The following SLC22A24 variants were observed in gnomAD, a reference collection of about 807,000 sequenced individuals.
The protein encoded by SLC22A24 is steroid transmembrane transporter SLC22A24.
In SLC22A24, 53 loss-of-function variants were observed where a neutral mutation model predicts 49.8. That is an observed-to-expected ratio of 1.06 (90% confidence interval 0.85 to 1.34). SLC22A24 has a LOEUF of 1.34. Among genes scored for constraint, SLC22A24 ranks in the 40% most tolerant of loss-of-function variants. SLC22A24 has a pLI of 0.00. For missense variants in SLC22A24, 786 were observed against 675.9 expected (o/e 1.16, Z -1.81); for synonymous variants, 302 against 256.4 (o/e 1.18, Z -1.70).
chr11:63,083,841 G>C (rs1590726763), intron 6 of SLC22A24, among the ~76,000 whole-genome samples: 1 of 152,324 alleles, frequency 6.6e-6, no homozygotes, highest in Non-Finnish European at 1.5e-5. Context: ...GACATGGGTA[G>C]GGTTAGATGA....
chr11:63,087,501 G>T (rs945833033), intron 6 of SLC22A24, among the ~76,000 whole-genome samples: 5 of 152,140 alleles, frequency 3.3e-5, no homozygotes, highest in African/African-American at 7.2e-5. Context: ...TGGCTCTTTG[G>T]GCAAACACTG....
In SLC22A24 at chr11:63,097,892, G is replaced by A. The variant is rs1474448604; in HGVS notation, c.955-1786C>T. On this transcript the variant is annotated intron_variant, in intron 5 of 9. Transcript: ENST00000612278. ...AATGAGAACACATGGACACAGGGAG[G>A]GGAGCATCACACACCAGGGCCTGTT... Among the ~76,000 whole-genome samples, 4 of 152,142 alleles carry A rather than the reference G, an allele frequency of 2.6e-5. No individual in the cohort carries two copies. The East Asian group carries it at 7.7e-4, about 29-fold the overall frequency.
At chr11:63,127,916 G>A (rs1050469972) in intron 2 of SLC22A24, among the ~76,000 whole-genome samples, 1 of 151,756 alleles carries the variant, frequency 6.6e-6, no homozygotes, top group Admixed American at 6.6e-5. Context: ...TCTGTAGGTT[G>A]CCTGTTCACT....
rs2087181340 is a variant in SLC22A24 at position 63,113,071 on chromosome 11, TATATATACACATATATATAC to T, written c.830+5821_830+5840del. 8.4e-3 allele frequency among the ~76,000 whole-genome samples: 18 copies of T among 2,138 alleles called. 6 individuals are homozygous for T. The highest frequency in any genetic ancestry group is 0.071 in the Non-Finnish European group (10 of 140). 1.4% of individuals were successfully genotyped at this position (2,138 alleles called of 152,430 possible). ...ATATATATACATATATATATATACA[TATATATACACATATATATAC>T]ATATATATATACATATATATACACA... On this transcript the variant is annotated intron_variant, in intron 4 of 9. Coordinates refer to ENST00000612278, the MANE Select transcript of SLC22A24 (RefSeq NM_001136506.2).
At chr11:63,097,905 A>G (rs2087065354) in intron 5 of SLC22A24, among the ~76,000 whole-genome samples, 1 of 151,928 alleles carries the variant, frequency 6.6e-6, no homozygotes, top group Admixed American at 6.6e-5. Flanking sequence ...AGCATCACAC[A>G]CCAGGGCCTG....
intron 6 of SLC22A24, among the ~76,000 whole-genome samples, chr11:63,086,967 A>G (rs535397081): frequency 1.2e-3 from 188 of 151,382 alleles, no homozygotes; most frequent in African/African-American, 4.3e-3. Context: ...CTGTGCATTT[A>G]TTAGGAAAAA....
At chr11:63,123,730 A>G (rs1053943777) in intron 2 of SLC22A24, among the ~76,000 whole-genome samples, 5 of 152,164 alleles carry the variant, frequency 3.3e-5, no homozygotes, top group Admixed American at 6.5e-5. Context: ...CAGTCCCCCA[A>G]TAGTGGAAAA....
chr11:63,116,652 A>G (rs756145866), intron 4 of SLC22A24, among the ~76,000 whole-genome samples: 24 of 152,146 alleles, frequency 1.6e-4, no homozygotes, highest in Admixed American at 5.9e-4. Context: ...TATTTGTTTT[A>G]TTAGCCATTA....
intron 4 of SLC22A24, among the ~76,000 whole-genome samples, chr11:63,108,843 C>A (rs2087140869): frequency 1.4e-5 from 2 of 143,874 alleles, no homozygotes; most frequent in South Asian, 4.4e-4. Context: ...CTTTACATTT[C>A]TTTTTTTTTA....
chr11:63,095,884 C>T (rs1353476296), intron 6 of SLC22A24, 107 bp downstream of exon 6: 3 of 800,256 alleles, frequency 3.7e-6, no homozygotes, highest in Non-Finnish European at 6.1e-6. Flanking sequence ...ATTTTCTCTT[C>T]TCTTATGTAT....
intron 4 of SLC22A24, among the ~76,000 whole-genome samples, chr11:63,115,349 G>C (rs1046900314): frequency 6.6e-6 from 1 of 152,216 alleles, no homozygotes. Flanking sequence ...GCAAGGCTCC[G>C]TGGGCATGGG....
chr11:63,099,030 C>G (rs1440017037), intron 5 of SLC22A24, among the ~76,000 whole-genome samples: 1 of 151,974 alleles, frequency 6.6e-6, no homozygotes, highest in East Asian at 1.9e-4. Context: ...GAATAAATTC[C>G]TAGTCACATG....
intron 2 of SLC22A24, among the ~76,000 whole-genome samples, chr11:63,128,874 A>G (rs1487663145): frequency 6.6e-6 from 1 of 152,160 alleles, no homozygotes; most frequent in African/African-American, 2.4e-5. Flanking sequence ...CCCCAGGCAC[A>G]GCTGTCTTTT....
At chr11:63,136,809 C>T (rs374531567) in intron 1 of SLC22A24, among the ~76,000 whole-genome samples, 4 of 152,304 alleles carry the variant, frequency 2.6e-5, no homozygotes, top group East Asian at 3.9e-4. Context: ...CCCAAGTGGT[C>T]GCCTAGTTCT....
At chr11:63,090,106 GACA>G (rs2087010950) in intron 6 of SLC22A24, among the ~76,000 whole-genome samples, 3 of 90,294 alleles carry the variant, frequency 3.3e-5, no homozygotes, top group Admixed American at 2.2e-4. Context: ...AAAAAAAAAA[GACA>G]AAGAATGGCA....
At chr11:63,086,697 T>A (rs551539435) in intron 6 of SLC22A24, among the ~76,000 whole-genome samples, 1 of 152,118 alleles carries the variant, frequency 6.6e-6, no homozygotes, top group Admixed American at 6.5e-5. Flanking sequence ...TCCAAAACCA[T>A]TGGGTCAAAG....
chr11:63,094,551 G>T (rs183264725), intron 6 of SLC22A24, among the ~76,000 whole-genome samples: 2 of 151,924 alleles, frequency 1.3e-5, no homozygotes, highest in African/African-American at 2.4e-5. Flanking sequence ...CTGAGGAATC[G>T]CCACACTGAC....
chr11:63,118,627 T>G, intron 4 of SLC22A24: 2 of 556,184 alleles, frequency 3.6e-6, no homozygotes, highest in Non-Finnish European at 6.4e-6. Flanking sequence ...TTCCAAAAGT[T>G]AGATAAATAA....
chr11:63,088,091 C>T (rs1267466441), intron 6 of SLC22A24, among the ~76,000 whole-genome samples: 1 of 152,178 alleles, frequency 6.6e-6, no homozygotes, highest in Non-Finnish European at 1.5e-5. Flanking sequence ...GACAGATTGC[C>T]TCCTCAAGTG....
Sources: gnomAD v4.1 joint callset for allele counts (sites outside exome capture counted in the v4.1 genomes callset) on GRCh38, gnomAD v4.1.1 for gene constraint, MANE v1.5 for transcripts, NCBI Gene and HGNC (gene_info 2026-07-23, HGNC 2026-07-21) for gene names.